Variants in ORC1 observed in about 807,000 individuals in gnomAD.
The protein encoded by ORC1 is origin recognition complex, subunit 1 homolog.
ORC1 carries 61 observed loss-of-function variants against 98.9 expected under a neutral mutation model. The observed-to-expected ratio is 0.62, with a 90% CI of 0.50 to 0.76. The LOEUF (loss-of-function observed/expected upper bound fraction) is 0.76, where lower values mean the gene tolerates loss of function less well. Among genes scored for constraint, ORC1 ranks in the 30% least tolerant of loss-of-function variants. The pLI is 0.00. For missense variants in ORC1, 979 were observed against 1,072.2 expected (o/e 0.91, Z 1.21); for synonymous variants, 385 against 406.9 (o/e 0.95, Z 0.65).
chr1:52,374,718 A>T lies in ORC1; in HGVS notation c.2391+92T>A, dbSNP rs926921203. 5.2e-5 allele frequency: 45 copies of T among 862,644 alleles called. No homozygotes were observed. In the African/African-American group the frequency reaches 7.0e-4, roughly 13 times the overall value. The allele number at this position is 862,644 out of a possible 1,614,324, so 53.4% of individuals were successfully genotyped here. On this transcript the variant is annotated intron_variant, in intron 16 of 16. Transcript: ENST00000371568. The stretch of plus-strand genomic sequence containing the variant: ...TTCTTTCACATACTCTAGGTGGCAC[A>T]AAATAGAGTGTCACACATTCATGGA...
intron 5 of ORC1, among the ~76,000 whole-genome samples, chr1:52,394,212 T>C (rs1420903426): frequency 2.6e-5 from 4 of 152,236 alleles, no homozygotes; most frequent in East Asian, 1.9e-4. Context: ...AGATTTTTCT[T>C]AACCCAGATT....
At chr1:52,390,564 A>T (rs1286733562) in intron 6 of ORC1, among the ~76,000 whole-genome samples, 1 of 152,172 alleles carries the variant, frequency 6.6e-6, no homozygotes, top group Admixed American at 6.5e-5. Flanking sequence ...TGGGAGGCCG[A>T]CGTGGGTGGA....
At chr1:52,408,305 TTATTC>T (rs1557591504), upstream of ORC1, 1 of 576,804 alleles carries the variant, frequency 1.7e-6, no homozygotes, top group East Asian at 3.9e-5. Flanking sequence ...TAAATAGGTT[TTATTC>T]TAGTTTTACT....
At chr1:52,383,638 C>CTA in intron 12 of ORC1, 69 bp from the exon 13 acceptor site, 1 of 1,540,352 alleles carries the variant, frequency 6.5e-7, no homozygotes, top group African/African-American at 1.4e-5. Context: ...AAATGAAGAC[C>CTA]TATAACCACT....
intron 14 of ORC1, among the ~76,000 whole-genome samples, chr1:52,379,239 G>C (rs933182720): frequency 6.7e-6 from 1 of 149,782 alleles, no homozygotes; most frequent in South Asian, 2.1e-4. Context: ...CTAAAGTAGG[G>C]TATTTTTTTT....
At chr1:52,392,319 A>G (rs537763189) in intron 6 of ORC1, among the ~76,000 whole-genome samples, 3 of 152,132 alleles carry the variant, frequency 2.0e-5, no homozygotes, top group South Asian at 4.2e-4. Flanking sequence ...TAGTAGAGAT[A>G]GGGTTTCACT....
intron 3 of ORC1, among the ~76,000 whole-genome samples, chr1:52,400,976 T>C (rs142643324): frequency 1.3e-3 from 191 of 152,340 alleles, no homozygotes; most frequent in African/African-American, 4.2e-3. Flanking sequence ...TGTAACGAAG[T>C]AGCACTTGCA....
At position 52,381,852 on chromosome 1, in the gene ORC1, C is replaced by T. The variant is rs1647075011; in HGVS notation, c.2014-91G>A. The T allele has an allele frequency of 2.3e-6, 3 of 1,303,158 alleles. 1 individual carries two copies. In the South Asian group the frequency reaches 3.6e-5, roughly 16 times the overall value. The allele number at this position is 1,303,158 out of a possible 1,614,324, so 80.7% of individuals were successfully genotyped here. A position where few individuals can be genotyped will look rare whatever the true frequency, so the allele number is the denominator to read the frequency against. ...CACCCTTGGGCCCCCAAACCCAATT[C>T]CCAGGTCCCATATAACAAATTACAC... On this transcript the variant is annotated intron_variant, in intron 13 of 16. Coordinates refer to ENST00000371568, the MANE Select transcript of ORC1 (RefSeq NM_004153.4).
chr1:52,402,657 G>A (rs1246485933), intron 1 of ORC1, among the ~76,000 whole-genome samples: 1 of 152,214 alleles, frequency 6.6e-6, no homozygotes, highest in Non-Finnish European at 1.5e-5. Flanking sequence ...ACAAAGGCTG[G>A]GCGCAGTGGC....
At chr1:52,407,164 C>T (rs1569973495), upstream of ORC1, among the ~76,000 whole-genome samples, 1 of 151,976 alleles carries the variant, frequency 6.6e-6, no homozygotes, top group Admixed American at 6.6e-5. Flanking sequence ...ACTACAGGCG[C>T]CCACCACTAC....
rs1647704264 is a variant in ORC1 at position 52,401,468 on chromosome 1, T to G, written c.117A>C (p.Glu39Asp). ...QTYREMCVKT[E>D]GCSTEIHIQI... ...GGATGTGAATCTCGGTGGAACAACC[T>G]TCTGTTTTCACACACATTTCTCTAG... The change falls in exon 3 of 17, where the codon GAA (glutamate) becomes GAC (aspartate). Residue 39 changes from glutamate to aspartate, a missense_variant. By Grantham distance (45) the Glu-to-Asp change is conservative (BLOSUM62 2). Transcript: ENST00000371568. The G allele has an allele frequency of 1.2e-6, 2 of 1,612,806 alleles. No homozygotes were observed. The highest frequency in any genetic ancestry group is 2.7e-5 in the African/African-American group (2 of 74,420).
intron 3 of ORC1, 120 bp downstream of exon 3, chr1:52,401,242 C>T (rs41294506): frequency 0.013 from 16,653 of 1,283,780 alleles, 146 homozygotes; most frequent in Middle Eastern, 0.021. Flanking sequence ...CTAGTTCTTA[C>T]GTGATCCCAC....
rs1207474562 is a variant in ORC1 at position 52,385,944 on chromosome 1, C to A, written c.1389G>T (p.Lys463Asn). 1.2e-6 allele frequency: 2 copies of A among 1,612,784 alleles called. No individual in the cohort carries two copies. Among genetic ancestry groups the A allele is most frequent in the Non-Finnish European group, 1.7e-6 (2 of 1,179,384 alleles). ...TLTKVPKKSL[K>N]PRTPRCAAPQ... is the part of the protein sequence containing the mutation. The stretch of plus-strand genomic sequence containing the variant: ...GAGCGGCACAACGTGGCGTTCTAGG[C>A]TTGAGCTGTATTGAAAACAAAGAAC... The change falls in exon 9 of 17, where the codon AAG becomes AAT. Residue 463 changes from lysine (K) to asparagine (N), a missense_variant. Coordinates refer to ENST00000371568, the MANE Select transcript of ORC1 (RefSeq NM_004153.4).
intron 14 of ORC1, among the ~76,000 whole-genome samples, chr1:52,376,773 A>G (rs1041626124): frequency 6.6e-6 from 1 of 152,242 alleles, no homozygotes; most frequent in Admixed American, 6.5e-5. Flanking sequence ...CCCCAAGGGT[A>G]TCAGTGACAC....
intron 6 of ORC1, 44 bp from the exon 7 acceptor site, chr1:52,389,365 C>A (rs1345286026): frequency 7.1e-7 from 1 of 1,401,934 alleles, no homozygotes; most frequent in South Asian, 1.2e-5. Context: ...GTTTTGGATA[C>A]CAGAGTGTAC....
In ORC1 at chr1:52,383,849, G is replaced by C. The variant is rs1475416935; in HGVS notation, c.1844C>G (p.Thr615Ser). The part of the protein sequence containing the change: ...FCTRGSPQET[T>S]VLLVDELDLL... Reference sequence around the variant, plus strand: ...CCTCACCTCATCCACAAGCAGGACGGTGGTTTCCTGAGGTGACCCTCGGGT... The same window carrying C: ...CCTCACCTCATCCACAAGCAGGACGCTGGTTTCCTGAGGTGACCCTCGGGT... The change falls in exon 12 of 17, where the codon ACC becomes AGC. Residue 615 changes from threonine to serine, a missense_variant. Coordinates refer to ENST00000371568, the MANE Select transcript of ORC1 (RefSeq NM_004153.4). 1 of 1,614,008 alleles carries C rather than the reference G, an allele frequency of 6.2e-7. No individual in the cohort carries two copies. The highest frequency in any genetic ancestry group is 1.1e-5 in the South Asian group (1 of 91,076).
chr1:52,378,791 T>G (rs1647026510), intron 14 of ORC1, among the ~76,000 whole-genome samples: 1 of 152,056 alleles, frequency 6.6e-6, no homozygotes, highest in South Asian at 2.1e-4. Context: ...CCCAGCACTT[T>G]GGGAGACCAA....
chr1:52,405,976 A>G, upstream of ORC1: 1 of 712,552 alleles, frequency 1.4e-6, no homozygotes, highest in Non-Finnish European at 2.4e-6. Context: ...TGAGCCCTTG[A>G]GTTTGTATTT....
At chr1:52,406,438 C>T (rs764549932), upstream of ORC1, among the ~76,000 whole-genome samples, 2 of 152,142 alleles carry the variant, frequency 1.3e-5, no homozygotes, top group Non-Finnish European at 2.9e-5. Context: ...AGGCACTGGA[C>T]GCTCAGGGGT....
Sources: allele counts gnomAD v4.1 joint callset (sites outside exome capture counted in the v4.1 genomes callset), GRCh38; gene constraint gnomAD v4.1.1; transcripts MANE v1.5; gene names NCBI Gene and HGNC (gene_info 2026-07-23, HGNC 2026-07-21).